SLC35F4: variants seen among roughly 807,000 people sequenced by gnomAD.
SLC35F4 encodes the protein chromosome 14 open reading frame 36.
SLC35F4 carries 24 observed loss-of-function variants against 44.2 expected under a neutral mutation model. The observed-to-expected ratio is 0.54, with a 90% CI of 0.39 to 0.76. The LOEUF (loss-of-function observed/expected upper bound fraction) is 0.76. Among genes scored for constraint, SLC35F4 ranks in the 30% least tolerant of loss-of-function variants. The pLI, the probability that SLC35F4 is intolerant of heterozygous loss-of-function variation, is 0.00. For synonymous variants in SLC35F4, 238 were observed against 223.6 expected (o/e 1.06, Z -0.57); for missense variants, 562 against 586.1 (o/e 0.96, Z 0.42).
At chr14:57,796,633 G>A (rs1785863332) in intron 1 of SLC35F4, among the ~76,000 whole-genome samples, 1 of 152,172 alleles carries the variant, frequency 6.6e-6, no homozygotes, top group African/African-American at 2.4e-5. Flanking sequence ...TTGAATTTTA[G>A]TTCTTCCTCT....
intron 1 of SLC35F4, among the ~76,000 whole-genome samples, chr14:57,695,838 G>C (rs2075367928): frequency 6.6e-6 from 1 of 152,098 alleles, no homozygotes; most frequent in African/African-American, 2.4e-5. Flanking sequence ...ATACTATGCA[G>C]CCATAAAAAA....
intron 1 of SLC35F4, among the ~76,000 whole-genome samples, chr14:57,853,017 C>A (rs1240802213): frequency 6.6e-6 from 1 of 152,206 alleles, no homozygotes; most frequent in African/African-American, 2.4e-5. Flanking sequence ...GTGTAATGTT[C>A]AATCTCTGTT....
At chr14:57,811,844 T>C (rs1882007321) in intron 1 of SLC35F4, among the ~76,000 whole-genome samples, 1 of 152,096 alleles carries the variant, frequency 6.6e-6, no homozygotes, top group Non-Finnish European at 1.5e-5. Context: ...TAGCTGGGCG[T>C]GGTGGAGCAC....
chr14:57,934,333 G>A (rs1889757231), intron 1 of SLC35F4, among the ~76,000 whole-genome samples: 1 of 148,526 alleles, frequency 6.7e-6, no homozygotes, highest in African/African-American at 2.5e-5. Flanking sequence ...ACCTCTCTGG[G>A]CTCAGCTTTC....
At chr14:57,819,606 C>T (rs375292442) in intron 1 of SLC35F4, among the ~76,000 whole-genome samples, 6 of 151,174 alleles carry the variant, frequency 4.0e-5, no homozygotes, top group African/African-American at 9.7e-5. Flanking sequence ...GAGTTTGAGA[C>T]CAGCCTGGCC....
intron 1 of SLC35F4, among the ~76,000 whole-genome samples, chr14:57,793,801 T>C (rs2077986507): frequency 6.6e-6 from 1 of 152,172 alleles, no homozygotes; most frequent in Non-Finnish European, 1.5e-5. Flanking sequence ...GAAATCTCCA[T>C]ACTGTTTTCC....
intron 1 of SLC35F4, among the ~76,000 whole-genome samples, chr14:57,784,500 A>C (rs1407272531): frequency 6.6e-6 from 1 of 152,114 alleles, no homozygotes; most frequent in Non-Finnish European, 1.5e-5. Context: ...CCTGGGCTAC[A>C]TGGTAAGATC....
chr14:57,594,193 TTTAA>T, intron 1 of SLC35F4, 69 bp from the exon 2 acceptor site: 2 of 1,413,586 alleles, frequency 1.4e-6, no homozygotes, highest in Non-Finnish European at 1.9e-6. Flanking sequence ...TTATTATTTA[TTTAA>T]TTATTGTTTG....
intron 1 of SLC35F4, among the ~76,000 whole-genome samples, chr14:57,689,849 C>G (rs1467412167): frequency 1.3e-5 from 2 of 151,828 alleles, no homozygotes; most frequent in Non-Finnish European, 2.9e-5. Context: ...AACAAACCTG[C>G]ACGTTGTGCA....
At chr14:57,727,028 G>T (rs2140456939) in intron 1 of SLC35F4, among the ~76,000 whole-genome samples, 1 of 152,080 alleles carries the variant, frequency 6.6e-6, no homozygotes, top group South Asian at 2.1e-4. Context: ...TTCAGTTTGG[G>T]GACTTGGACT....
At chr14:57,710,159 G>A (rs879493890) in intron 1 of SLC35F4, among the ~76,000 whole-genome samples, 2 of 152,240 alleles carry the variant, frequency 1.3e-5, no homozygotes, top group Non-Finnish European at 2.9e-5. Flanking sequence ...ATGGTGTCCT[G>A]TGTCCCAGCT....
intron 1 of SLC35F4, among the ~76,000 whole-genome samples, chr14:57,950,872 G>T (rs1329022066): frequency 2.0e-5 from 3 of 152,050 alleles, no homozygotes; most frequent in African/African-American, 7.3e-5. Context: ...TCGCCATCTT[G>T]CCAAGGCTGG....
intron 1 of SLC35F4, among the ~76,000 whole-genome samples, chr14:57,861,288 C>T (rs1418065044): frequency 2.6e-5 from 4 of 152,180 alleles, no homozygotes; most frequent in Non-Finnish European, 5.9e-5. Context: ...CTCAGTTATA[C>T]ACTTTCCCAA....
intron 1 of SLC35F4, among the ~76,000 whole-genome samples, chr14:57,931,583 C>T (rs1889697455): frequency 6.6e-6 from 1 of 151,870 alleles, no homozygotes; most frequent in African/African-American, 2.4e-5. Context: ...GTTCTTTCCA[C>T]ATAGCTGGGA....
chr14:57,886,415 T>A (rs1888646969), intron 1 of SLC35F4, among the ~76,000 whole-genome samples: 1 of 152,120 alleles, frequency 6.6e-6, no homozygotes, highest in South Asian at 2.1e-4. Flanking sequence ...AGAAATAAAG[T>A]GGGCAATATC....
intron 1 of SLC35F4, among the ~76,000 whole-genome samples, chr14:57,798,117 C>A (rs987406806): frequency 2.5e-5 from 2 of 81,200 alleles, no homozygotes; most frequent in Non-Finnish European, 4.3e-5. Flanking sequence ...CACAGACCCA[C>A]GAGCAAAAAA....
At chr14:57,624,480 A>C (rs2072366539) in intron 1 of SLC35F4, among the ~76,000 whole-genome samples, 1 of 152,182 alleles carries the variant, frequency 6.6e-6, no homozygotes, top group South Asian at 2.1e-4. Context: ...CTGATACAAC[A>C]ACCTGGGGGA....
At chr14:57,890,836 A>G (rs972099089) in intron 1 of SLC35F4, among the ~76,000 whole-genome samples, 9 of 152,252 alleles carry the variant, frequency 5.9e-5, no homozygotes, top group African/African-American at 2.2e-4. Context: ...TGATGTTAGA[A>G]GAAAAAAATG....
At chr14:57,812,897 C>T (rs1002840826) in intron 1 of SLC35F4, among the ~76,000 whole-genome samples, 4 of 152,180 alleles carry the variant, frequency 2.6e-5, no homozygotes, top group African/African-American at 9.7e-5. Flanking sequence ...CAGGCCGTGA[C>T]CTTCCTCCCT....
Sources: gnomAD v4.1 joint callset for allele counts (sites outside exome capture counted in the v4.1 genomes callset) on GRCh38, gnomAD v4.1.1 for gene constraint, MANE v1.5 for transcripts, NCBI Gene and HGNC (gene_info 2026-07-23, HGNC 2026-07-21) for gene names.